PSME4: variants seen among roughly 807,000 people sequenced by gnomAD.
PSME4 encodes proteasome activator complex subunit 4.
Under a neutral mutation model 253.9 loss-of-function variants are expected in PSME4, and 89 were observed. That is an observed-to-expected ratio of 0.35 (90% CI 0.30 to 0.42). PSME4 has a LOEUF of 0.42. Among genes scored for constraint, PSME4 ranks in the 10% least tolerant of loss-of-function variants. The pLI, the probability that PSME4 is intolerant of heterozygous loss-of-function variation, is 1.00. For synonymous variants in PSME4, 851 were observed against 759.2 expected (o/e 1.12, Z -1.99); for missense variants, 2,014 against 2,195.2 (o/e 0.92, Z 1.65).
chr2:53,933,375 CAAAAAAA>C (rs571833072), intron 8 of PSME4, among the ~76,000 whole-genome samples: 20 of 60,616 alleles, frequency 3.3e-4, no homozygotes, highest in African/African-American at 1.3e-3. Context: ...GAGACCATCT[CAAAAAAA>C]AAAAAAAAAA....
chr2:53,871,536 G>A (rs1375658252), intron 43 of PSME4, among the ~76,000 whole-genome samples: 13 of 152,076 alleles, frequency 8.5e-5, no homozygotes, highest in Non-Finnish European at 1.9e-4. Flanking sequence ...TTACAGGCAT[G>A]AGCCACCACG....
Position 53,887,306 on chromosome 2 carries a change from A to T in PSME4, c.4682T>A (p.Ile1561Asn). 1 of 1,614,042 alleles carries T rather than the reference A, an allele frequency of 6.2e-7. No individual in the cohort carries two copies. The highest frequency in any genetic ancestry group is 1.3e-5 in the African/African-American group (1 of 75,032). The part of the protein sequence containing the change: ...IQNHVMEENG[I>N]GEEDERTQGI... ...CTGAGTTCGCTCATCTTCTTCACCA[A>T]TTCCATTTTCTTCCATAACATGGTT... The change falls in exon 40 of 47, where the codon ATT becomes AAT. Residue 1561 changes from isoleucine (I) to asparagine (N), a missense_variant. Physicochemically the swap from Ile to Asn is moderately radical, Grantham distance 149. Around this residue, in one of 4 missense-constraint regions of PSME4, gnomAD observed 403 missense variants for 556.1 expected, o/e 0.72. Transcript: ENST00000404125.
intron 21 of PSME4, 116 bp from the exon 22 acceptor site, chr2:53,908,956 C>A: frequency 1.4e-6 from 1 of 701,830 alleles, no homozygotes; most frequent in Non-Finnish European, 2.4e-6. Context: ...AAAAATAGGT[C>A]TGCCTTTACC....
intron 41 of PSME4, among the ~76,000 whole-genome samples, chr2:53,883,861 G>T (rs1327081804): frequency 6.6e-6 from 1 of 151,660 alleles, no homozygotes; most frequent in Non-Finnish European, 1.5e-5. Flanking sequence ...ACTGAACTCT[G>T]CTGCACTATT....
chr2:53,934,753 G>A (rs766221318), intron 7 of PSME4, 26 bp from the exon 8 acceptor site: 3 of 1,501,892 alleles, frequency 2.0e-6, no homozygotes, highest in East Asian at 4.6e-5. Flanking sequence ...AATAAGTAAG[G>A]ATATTTACAG....
In PSME4 at chr2:53,866,778, C is replaced by A; in HGVS notation, c.5366G>T (p.Ser1789Ile). The A allele has an allele frequency of 6.2e-7, 1 of 1,613,852 alleles. No individual in the cohort carries two copies. The highest frequency in any genetic ancestry group is 8.5e-7 in the Non-Finnish European group (1 of 1,179,822). The change falls in exon 45 of 47, where the codon AGT becomes ATT. Residue 1789 changes from serine to isoleucine, a missense_variant. Physicochemically the swap from Ser to Ile is moderately radical, Grantham distance 142. This residue lies in a region of PSME4 where 403 missense variants were observed against 556.1 expected (regional missense o/e 0.72). Coordinates refer to ENST00000404125, the MANE Select transcript of PSME4 (RefSeq NM_014614.3). ...TWMPQLLMNL[S>I]AHLNDPQPIE... Reference sequence around the variant, plus strand: ...AGGCTGAGGATCATTTAGATGTGCACTGAGATTCATGAGGAGCTGGGGCAT... The same window carrying A: ...AGGCTGAGGATCATTTAGATGTGCAATGAGATTCATGAGGAGCTGGGGCAT...
chr2:53,962,650 T>C lies in PSME4; in HGVS notation c.242+7893A>G, dbSNP rs116548029. On this transcript the variant is annotated intron_variant, in intron 1 of 46. Transcript: ENST00000404125. ...CAAATAATACATTCAGAATTCCTAT[T>C]TTCTTCAATGTTTTTGATGAAGTTA... Among the ~76,000 whole-genome samples, 679 of 152,280 alleles carry C rather than the reference T, an allele frequency of 4.5e-3. 9 individuals are homozygous for C. The highest frequency in any genetic ancestry group is 0.016 in the African/African-American group (651 of 41,562).
At chr2:53,898,802 C>T (rs1013799905) in intron 29 of PSME4, among the ~76,000 whole-genome samples, 2 of 152,078 alleles carry the variant, frequency 1.3e-5, no homozygotes, top group African/African-American at 2.4e-5. Flanking sequence ...GTTAGGAAGA[C>T]TCTTGCTTGA....
chr2:53,970,805 C>CA lies in PSME4; in HGVS notation c.-22dup. 1 of 1,475,320 alleles carries CA rather than the reference C, an allele frequency of 6.8e-7. No individual in the cohort carries two copies. The highest frequency in any genetic ancestry group is 2.5e-5 in the East Asian group (1 of 39,464). 91.4% of individuals were successfully genotyped at this position (1,475,320 alleles called of 1,614,324 possible). ...TCCATGAGCCCAGGGACACCCCCCC[C>CA]ACCCCCTCCCACCCGAACCCTCCCC... is the stretch of plus-strand genomic sequence containing the variant. On this transcript the variant is annotated 5_prime_UTR_variant, in exon 1 of 47. Transcript: ENST00000404125.
intron 4 of PSME4, 94 bp downstream of exon 4, chr2:53,939,862 A>C: frequency 2.6e-6 from 3 of 1,141,730 alleles, no homozygotes; most frequent in Non-Finnish European, 3.8e-6. Flanking sequence ...GTCAGGAACT[A>C]TTTATACTTT....
intron 17 of PSME4, among the ~76,000 whole-genome samples, chr2:53,921,591 G>A (rs1257167507): frequency 8.9e-4 from 131 of 146,598 alleles, no homozygotes; most frequent in African/African-American, 2.6e-3. Context: ...GAAGTTGGCC[G>A]GGCGCGGTGG....
At chr2:53,893,464 G>A (rs1181961347) in intron 35 of PSME4, among the ~76,000 whole-genome samples, 1 of 152,042 alleles carries the variant, frequency 6.6e-6, no homozygotes, top group Non-Finnish European at 1.5e-5. Flanking sequence ...CTTACTAATT[G>A]TATTATATAT....
Position 53,925,566 on chromosome 2 carries a change from G to A in PSME4, c.1782C>T (p.Leu594=), listed in dbSNP as rs1558689791. ...TAAATATTTCTTTGGAACATTGGGT[G>A]AGGATTGTACTAAACGTAGAAGACA... ...LGLSSTFSTI[L]TQCSKEIFMV... The change falls in exon 14 of 47, where the codon CTC becomes CTT. Residue 594 remains leucine, a synonymous_variant. Coordinates refer to ENST00000404125, the MANE Select transcript of PSME4 (RefSeq NM_014614.3). The A allele has an allele frequency of 1.3e-6, 2 of 1,572,290 alleles. No homozygotes were observed. Among genetic ancestry groups the A allele is most frequent in the African/African-American group, 1.3e-5 (1 of 74,284 alleles).
rs1669437597 is a variant in PSME4, at chr2:53,941,177, CA to C, written c.501-1178del. On this transcript the variant is annotated intron_variant, in intron 3 of 46. Coordinates refer to ENST00000404125, the MANE Select transcript of PSME4 (RefSeq NM_014614.3). ...ACAAATAATCAACATATTATATAAC[CA>C]AGAGAGGAAAACTATAATCTCATTA... Among the ~76,000 whole-genome samples, 4 of 144,400 alleles carry C rather than the reference CA, an allele frequency of 2.8e-5. No homozygotes were observed. In the South Asian group the frequency reaches 8.9e-4, roughly 32 times the overall value. 94.7% of individuals were successfully genotyped at this position (144,400 alleles called of 152,430 possible). A position where few individuals can be genotyped will look rare whatever the true frequency, so the allele number is the denominator to read the frequency against.
intron 6 of PSME4, among the ~76,000 whole-genome samples, chr2:53,936,529 C>T (rs1285285072): frequency 6.6e-6 from 1 of 152,048 alleles, no homozygotes; most frequent in Non-Finnish European, 1.5e-5. Flanking sequence ...ACAATACATG[C>T]TTATACTCCT....
intron 14 of PSME4, among the ~76,000 whole-genome samples, chr2:53,924,009 A>C (rs1186055968): frequency 6.6e-6 from 1 of 151,972 alleles, no homozygotes; most frequent in Non-Finnish European, 1.5e-5. Context: ...GGTGGAAGCA[A>C]ATGCAATTTA....
intron 41 of PSME4, among the ~76,000 whole-genome samples, chr2:53,882,148 CAAT>C (rs1679416737): frequency 6.6e-6 from 1 of 152,000 alleles, no homozygotes; most frequent in Non-Finnish European, 1.5e-5. Context: ...TTTCTTACAA[CAAT>C]GTGTTAGCTG....
intron 3 of PSME4, among the ~76,000 whole-genome samples, chr2:53,945,231 T>A (rs968545018): frequency 6.6e-6 from 1 of 152,230 alleles, no homozygotes; most frequent in Admixed American, 6.5e-5. Flanking sequence ...TAACTTGCAA[T>A]ATGCTACTCA....
intron 1 of PSME4, among the ~76,000 whole-genome samples, chr2:53,970,120 G>T (rs919654877): frequency 3.9e-5 from 6 of 152,142 alleles, no homozygotes; most frequent in Non-Finnish European, 7.4e-5. Context: ...AGGAAGAACC[G>T]GAGGAAGCAA....
Sources: gnomAD v4.1 joint callset for allele counts (sites outside exome capture counted in the v4.1 genomes callset) on GRCh38, gnomAD v4.1.1 for gene constraint, gnomAD v4.1.1 regional missense constraint, MANE v1.5 for transcripts, NCBI Gene and HGNC (gene_info 2026-07-23, HGNC 2026-07-21) for gene names.